Variants in BRINP3 observed in about 807,000 individuals in gnomAD.
The protein encoded by BRINP3 is BMP/retinoic acid-inducible neural-specific protein 3.
Under a neutral mutation model 71.0 loss-of-function variants are expected in BRINP3, and 19 were observed. That is an observed-to-expected ratio of 0.27 (90% CI 0.19 to 0.39). The LOEUF is 0.39. Ranked by LOEUF, BRINP3 falls within the 10% of genes least tolerant of loss-of-function variation. The pLI, the probability that BRINP3 is intolerant of heterozygous loss-of-function variation, is 1.00. For missense variants in BRINP3, 959 were observed against 940.8 expected (o/e 1.02, Z -0.25); for synonymous variants, 380 against 337.7 (o/e 1.13, Z -1.37).
intron 6 of BRINP3, among the ~76,000 whole-genome samples, chr1:190,195,046 A>T (rs757650444): frequency 6.6e-6 from 1 of 152,110 alleles, no homozygotes; most frequent in Non-Finnish European, 1.5e-5. Flanking sequence ...AAAAAAAATT[A>T]TAAGCATTTA....
Position 190,111,577 on chromosome 1 carries a change from C to T in BRINP3, c.1185-12443G>A, listed in dbSNP as rs144616752. Among the ~76,000 whole-genome samples the T allele has an allele frequency of 5.9e-5, 9 of 152,212 alleles. No homozygotes were observed. The East Asian group carries it at 1.2e-3, about 20-fold the overall frequency. On this transcript the variant is annotated intron_variant, in intron 7 of 7. Coordinates refer to ENST00000367462, the MANE Select transcript of BRINP3 (RefSeq NM_199051.3). ...CTTAGAGTTAGAGGTAGCTATGTTA[C>T]GCAGTTCTGAAACAAACAGAAGTCT... is the stretch of plus-strand genomic sequence containing the variant.
intron 6 of BRINP3, among the ~76,000 whole-genome samples, chr1:190,201,714 A>T (rs1655020657): frequency 6.6e-6 from 1 of 152,084 alleles, no homozygotes; most frequent in Middle Eastern, 3.2e-3. Context: ...AAATAGACCA[A>T]CATAGAATTC....
chr1:190,128,820 A>G (rs1019429062), intron 7 of BRINP3, among the ~76,000 whole-genome samples: 34 of 151,812 alleles, frequency 2.2e-4, no homozygotes, highest in African/African-American at 8.2e-4. Context: ...TGGATGTAAC[A>G]TATCTTAAAT....
At chr1:190,220,656 C>A (rs1315397950) in intron 6 of BRINP3, among the ~76,000 whole-genome samples, 4 of 151,894 alleles carry the variant, frequency 2.6e-5, no homozygotes, top group African/African-American at 4.8e-5. Context: ...AATTGCAACT[C>A]AAAAATATTG....
intron 2 of BRINP3, among the ~76,000 whole-genome samples, chr1:190,355,043 A>G (rs1668642052): frequency 6.6e-6 from 1 of 151,900 alleles, no homozygotes; most frequent in African/African-American, 2.4e-5. Flanking sequence ...ATAAGAAATC[A>G]GAATTCTCAG....
intron 2 of BRINP3, among the ~76,000 whole-genome samples, chr1:190,401,175 T>C (rs774479261): frequency 1.2e-4 from 18 of 151,962 alleles, no homozygotes; most frequent in Non-Finnish European, 2.2e-4. Flanking sequence ...CTGGCCAACA[T>C]TGTGAAACCC....
In BRINP3 at chr1:190,098,603, A is replaced by G. The variant is rs2102232536; in HGVS notation, c.1716T>C (p.Tyr572=). 1 of 1,614,214 alleles carries G rather than the reference A, an allele frequency of 6.2e-7. No individual in the cohort carries two copies. The highest frequency in any genetic ancestry group is 8.5e-7 in the Non-Finnish European group (1 of 1,180,036). The part of the protein sequence containing the change: ...NSTLEPVLAV[Y]VNPFGGSHSE... ...AGTGGCTGCCTCCGAAGGGATTGAC[A>G]TAAACAGCCAACACTGGCTCCAAGG... The change falls in exon 8 of 8, where the codon TAT becomes TAC. Residue 572 remains tyrosine (Y), a synonymous_variant. Transcript: ENST00000367462.
At chr1:190,296,000 A>G (rs1571663752) in intron 2 of BRINP3, among the ~76,000 whole-genome samples, 1 of 145,476 alleles carries the variant, frequency 6.9e-6, no homozygotes, top group East Asian at 2.0e-4. Context: ...GGAACTTCTA[A>G]TTGGCCATCA....
chr1:190,301,202 T>TATATATATGTATATATATAC (rs1558160601), intron 2 of BRINP3, among the ~76,000 whole-genome samples: 1 of 26,144 alleles, frequency 3.8e-5, no homozygotes, highest in Non-Finnish European at 9.2e-5. Flanking sequence ...TATATACACA[T>TATATATATGTATATATATAC]ACATATATAT....
intron 6 of BRINP3, among the ~76,000 whole-genome samples, chr1:190,186,072 A>G (rs901994502): frequency 6.6e-6 from 1 of 152,108 alleles, no homozygotes; most frequent in Non-Finnish European, 1.5e-5. Context: ...ATTTATATAT[A>G]TATTTTTTAA....
Position 190,415,639 on chromosome 1 carries a change from C to T in BRINP3, c.236+39016G>A, listed in dbSNP as rs542475326. Among the ~76,000 whole-genome samples the T allele has an allele frequency of 5.9e-5, 9 of 152,200 alleles. No individual in the cohort carries two copies. The East Asian group carries it at 7.7e-4, about 13-fold the overall frequency. Reference sequence around the variant, plus strand: ...AAATCTTCAGCTGGGCACAGTGGCTCCTGTCTGTAAACTCAAATAGGGATG... The same window carrying T: ...AAATCTTCAGCTGGGCACAGTGGCTTCTGTCTGTAAACTCAAATAGGGATG... On this transcript the variant is annotated intron_variant, in intron 2 of 7. Transcript: ENST00000367462.
chr1:190,351,031 C>T (rs928390983), intron 2 of BRINP3, among the ~76,000 whole-genome samples: 3 of 151,916 alleles, frequency 2.0e-5, no homozygotes, highest in African/African-American at 7.2e-5. Context: ...CTCAAACTCC[C>T]GACCTTGGGT....
chr1:190,294,267 T>C lies in BRINP3; in HGVS notation c.237-12517A>G, dbSNP rs1200188639. The stretch of plus-strand genomic sequence containing the variant: ...TCAGAAGTACCTCAAAATACCTTTT[T>C]TTTTTTTTTGAGTCAGGGTCTCACT... On this transcript the variant is annotated intron_variant, in intron 2 of 7. Transcript: ENST00000367462. Among the ~76,000 whole-genome samples, 6 of 152,074 alleles carry C rather than the reference T, an allele frequency of 3.9e-5. No homozygotes were observed. In the East Asian group the frequency reaches 1.2e-3, roughly 29 times the overall value.
intron 4 of BRINP3, among the ~76,000 whole-genome samples, chr1:190,240,887 A>AC (rs1236929938): frequency 9.5e-5 from 14 of 147,952 alleles, no homozygotes; most frequent in African/African-American, 3.3e-4. Flanking sequence ...AAAAAAAAAA[A>AC]AAAAAAAAAA....
chr1:190,333,570 T>A, intron 2 of BRINP3, among the ~76,000 whole-genome samples: 1 of 152,108 alleles, frequency 6.6e-6, no homozygotes, highest in Admixed American at 6.6e-5. Flanking sequence ...AATGATGAAA[T>A]ATATCAAATT....
chr1:190,270,326 A>G (rs1275084166), intron 3 of BRINP3, among the ~76,000 whole-genome samples: 1 of 151,466 alleles, frequency 6.6e-6, no homozygotes, highest in Admixed American at 6.6e-5. Flanking sequence ...AAACATTTTT[A>G]AAATTATTTA....
chr1:190,448,126 C>T (rs1176160278), intron 2 of BRINP3, among the ~76,000 whole-genome samples: 2 of 151,520 alleles, frequency 1.3e-5, no homozygotes, highest in Non-Finnish European at 3.0e-5. Context: ...TATTGAATAT[C>T]CTTAGAAAAT....
chr1:190,164,247 T>C (rs1651280885), intron 6 of BRINP3, among the ~76,000 whole-genome samples: 1 of 152,172 alleles, frequency 6.6e-6, no homozygotes, highest in Admixed American at 6.5e-5. Context: ...TTCAAAGATA[T>C]TCTAAAGCAT....
At chr1:190,347,262 TCC>T (rs1334880776) in intron 2 of BRINP3, among the ~76,000 whole-genome samples, 1 of 152,054 alleles carries the variant, frequency 6.6e-6, no homozygotes, top group Non-Finnish European at 1.5e-5. Flanking sequence ...TGCCTCAGCC[TCC>T]CCAGTAGCTG....
Sources: allele counts gnomAD v4.1 joint callset (sites outside exome capture counted in the v4.1 genomes callset), GRCh38; gene constraint gnomAD v4.1.1; transcripts MANE v1.5; gene names NCBI Gene and HGNC (gene_info 2026-07-23, HGNC 2026-07-21).